Variants in MMP26 observed in about 807,000 individuals in gnomAD.
MMP26 encodes the protein matrix metallopeptidase 26.
Under a neutral mutation model 31.0 loss-of-function variants are expected in MMP26, and 33 were observed. That is an observed-to-expected ratio of 1.06 (90% CI 0.81 to 1.42). MMP26 has a LOEUF of 1.42. MMP26 is among the 40% of genes most tolerant of loss of function. The pLI is 0.00. For missense variants in MMP26, 347 were observed against 316.1 expected, an observed-to-expected ratio of 1.10 and a Z score of -0.74; for synonymous variants, 122 against 114.9, an observed-to-expected ratio of 1.06 and a Z score of -0.40.
chr11:4,843,652 C>T (rs554380626), intron 2 of MMP26, among the ~76,000 whole-genome samples: 1 of 152,346 alleles, frequency 6.6e-6, no homozygotes, highest in African/African-American at 2.4e-5. Flanking sequence ...GGAGGGGCTG[C>T]AGTGAAGGTC....
At chr11:4,865,221 G>C (rs1461825909) in intron 2 of MMP26, among the ~76,000 whole-genome samples, 1 of 151,960 alleles carries the variant, frequency 6.6e-6, no homozygotes, top group Non-Finnish European at 1.5e-5. Context: ...ATTGCTTCCA[G>C]ATTATCACAC....
intron 1 of MMP26, among the ~76,000 whole-genome samples, chr11:4,731,089 CG>C (rs1848167810): frequency 6.6e-6 from 1 of 152,048 alleles, no homozygotes; most frequent in Non-Finnish European, 1.5e-5. Flanking sequence ...GGATTACAGG[CG>C]TGCACCACCA....
chr11:4,917,951 A>ATTTTCCG, intron 2 of MMP26, among the ~76,000 whole-genome samples: 1 of 150,988 alleles, frequency 6.6e-6, no homozygotes, highest in Non-Finnish European at 1.5e-5. Context: ...GTCAAAATAA[A>ATTTTCCG]CCTAAGGCGG....
At chr11:4,824,701 A>G (rs1055529300) in intron 2 of MMP26, among the ~76,000 whole-genome samples, 2 of 152,142 alleles carry the variant, frequency 1.3e-5, no homozygotes, top group African/African-American at 2.4e-5. Flanking sequence ...ACATTTTACC[A>G]AGAATATTTG....
At chr11:4,775,072 G>A (rs573697708) in intron 2 of MMP26, among the ~76,000 whole-genome samples, 35 of 152,252 alleles carry the variant, frequency 2.3e-4, no homozygotes, top group Non-Finnish European at 2.6e-4. Context: ...GATACCTCCA[G>A]CTTTGTTCTT....
intron 2 of MMP26, among the ~76,000 whole-genome samples, chr11:4,856,001 C>T (rs1422036133): frequency 6.6e-6 from 1 of 152,134 alleles, no homozygotes; most frequent in Non-Finnish European, 1.5e-5. Flanking sequence ...GAAATAAAAT[C>T]CTTTACAGAC....
At chr11:4,721,898 A>G (rs1589883286) in intron 1 of MMP26, among the ~76,000 whole-genome samples, 1 of 152,130 alleles carries the variant, frequency 6.6e-6, no homozygotes, top group Non-Finnish European at 1.5e-5. Context: ...TGGAATCATA[A>G]TGGTTTCTCA....
At chr11:4,966,710 G>C (rs986052243) in intron 2 of MMP26, among the ~76,000 whole-genome samples, 1 of 152,070 alleles carries the variant, frequency 6.6e-6, no homozygotes, top group East Asian at 1.9e-4. Flanking sequence ...TCAAGGAAAC[G>C]CTGTCTTATC....
intron 2 of MMP26, among the ~76,000 whole-genome samples, chr11:4,963,946 C>G (rs1438595149): frequency 6.6e-6 from 1 of 151,988 alleles, no homozygotes; most frequent in Admixed American, 6.6e-5. Flanking sequence ...CCTTTGACCA[C>G]TTTTTAAGGG....
intron 2 of MMP26, among the ~76,000 whole-genome samples, chr11:4,801,067 C>G (rs1849174509): frequency 6.6e-6 from 1 of 152,168 alleles, no homozygotes; most frequent in Non-Finnish European, 1.5e-5. Context: ...ACTTCAAGTT[C>G]ATATGAACTT....
intron 2 of MMP26, among the ~76,000 whole-genome samples, chr11:4,774,867 C>T (rs557116603): frequency 1.1e-4 from 16 of 152,172 alleles, no homozygotes; most frequent in Admixed American, 9.8e-4. Flanking sequence ...TCTCCCAGCA[C>T]CATTTATTAA....
chr11:4,710,550 C>T, intron 1 of MMP26: 1 of 388,002 alleles, frequency 2.6e-6, no homozygotes, highest in South Asian at 1.9e-5. Context: ...CCAAGTCTTC[C>T]CTGACCCATG....
At chr11:4,782,913 T>C (rs1241038050) in intron 2 of MMP26, among the ~76,000 whole-genome samples, 1 of 152,206 alleles carries the variant, frequency 6.6e-6, no homozygotes, top group African/African-American at 2.4e-5. Context: ...AGTTAAGAAC[T>C]GAGGTTTGAG....
At chr11:4,950,677 T>A (rs1846363483) in intron 2 of MMP26, among the ~76,000 whole-genome samples, 1 of 42,674 alleles carries the variant, frequency 2.3e-5, no homozygotes, top group African/African-American at 6.8e-5. Flanking sequence ...AATGTTCTCA[T>A]CAAAAAAAAA....
At chr11:4,773,415 A>T (rs1589896619) in intron 2 of MMP26, among the ~76,000 whole-genome samples, 1 of 152,278 alleles carries the variant, frequency 6.6e-6, no homozygotes, top group Admixed American at 6.5e-5. Flanking sequence ...GTAGCAAGAA[A>T]CTGAGTCCCT....
At chr11:4,943,688 A>G in intron 2 of MMP26, 1 of 354,448 alleles carries the variant, frequency 2.8e-6, no homozygotes, top group South Asian at 2.2e-5. Context: ...CATTGCTGCC[A>G]GTTGAGAACC....
rs1589945572 is a variant in MMP26 at position 4,939,825 on chromosome 11, G to A, written c.-144-48243G>A. Among the ~76,000 whole-genome samples the A allele has an allele frequency of 3.3e-5, 5 of 152,156 alleles. 1 individual carries two copies. In the South Asian group the frequency reaches 8.3e-4, roughly 25 times the overall value. On this transcript the variant is annotated intron_variant, in intron 2 of 7. Coordinates refer to ENST00000380390, the MANE Select transcript of MMP26 (RefSeq NM_021801.5). The stretch of plus-strand genomic sequence containing the variant: ...ATTTGGAACTTAAGAGAAAGGCCAA[G>A]CCACAGATAATGACATAAGATATAT...
rs971407254 is a variant in MMP26 at position 4,947,683 on chromosome 11, C to A, written c.-144-40385C>A. 8 of 125,510 alleles carry A rather than the reference C, an allele frequency of 6.4e-5. 1 individual carries two copies. Among genetic ancestry groups the A allele is most frequent in the African/African-American group, 2.2e-4 (8 of 36,886 alleles). The allele number at this position is 125,510 out of a possible 1,614,324, so 7.8% of individuals were successfully genotyped here. A position where few individuals can be genotyped will look rare whatever the true frequency, so the allele number is the denominator to read the frequency against. On this transcript the variant is annotated intron_variant, in intron 2 of 7. Coordinates refer to ENST00000380390, the MANE Select transcript of MMP26 (RefSeq NM_021801.5). ...GCTTGTCTTATTCTTTCTACCTAAC[C>A]ACTGGCTCTGGGATTACTGAGTTCT...
At chr11:4,800,922 G>A (rs1476057632) in intron 2 of MMP26, among the ~76,000 whole-genome samples, 2 of 150,292 alleles carry the variant, frequency 1.3e-5, no homozygotes, top group African/African-American at 2.5e-5. Context: ...CTCTTTGCTC[G>A]GGTGCAACAC....
Sources: allele counts gnomAD v4.1 joint callset (sites outside exome capture counted in the v4.1 genomes callset), GRCh38; gene constraint gnomAD v4.1.1; transcripts MANE v1.5; gene names NCBI Gene and HGNC (gene_info 2026-07-23, HGNC 2026-07-21).